The following PDK1 variants were observed in gnomAD, a reference collection of about 807,000 sequenced individuals.
PDK1 encodes the protein pyruvate dehydrogenase kinase 1, also known as [Pyruvate dehydrogenase (acetyl-transferring)] kinase isozyme 1, mitochondrial.
Under a neutral mutation model 54.2 loss-of-function variants are expected in PDK1, and 39 were observed. The observed-to-expected ratio is 0.72, with a 90% CI of 0.56 to 0.94. The LOEUF is 0.94. Ranked by LOEUF, PDK1 falls within the 40% of genes least tolerant of loss-of-function variation. The pLI is 0.00. For synonymous variants in PDK1, 221 were observed against 207.1 expected (o/e 1.07, Z -0.58); for missense variants, 552 against 566.0 (o/e 0.98, Z 0.25).
At chr2:172,674,582 A>G in the PDK1 span, 1 of 152,264 alleles carries the variant, frequency 6.6e-6, no homozygotes, top group East Asian at 1.9e-4. Context: ...CCTCCTCAGG[A>G]CGCTCCCCTC....
At chr2:172,583,513 C>T (rs758276875) in intron 8 of PDK1, among the ~76,000 whole-genome samples, 3 of 151,678 alleles carry the variant, frequency 2.0e-5, no homozygotes, top group Admixed American at 6.6e-5. Flanking sequence ...AGGCTGGTCT[C>T]GAACTGCTGA....
chr2:172,584,830 G>GTTTTT (rs1273636309), intron 8 of PDK1, among the ~76,000 whole-genome samples: 2 of 116,496 alleles, frequency 1.7e-5, no homozygotes, highest in African/African-American at 3.2e-5. Context: ...TAATTTTAAA[G>GTTTTT]TTTTTTTTTT....
chr2:172,567,021 C>G, intron 6 of PDK1, 88 bp downstream of exon 6: 2 of 875,764 alleles, frequency 2.3e-6, no homozygotes, highest in Non-Finnish European at 3.6e-6. Context: ...TGGAAGATGA[C>G]TTTTTATCAA....
intron 6 of PDK1, 147 bp from the exon 7 acceptor site, chr2:172,568,594 A>G (rs1689087254): frequency 6.5e-6 from 4 of 619,866 alleles, no homozygotes; most frequent in Non-Finnish European, 1.2e-5. Context: ...AAACACTAAT[A>G]CATTGAAGAA....
the PDK1 span, among the ~76,000 whole-genome samples, chr2:172,620,565 C>T: frequency 2.0e-5 from 3 of 152,168 alleles, no homozygotes; most frequent in Admixed American, 6.5e-5. Flanking sequence ...GTCTCCCCCA[C>T]TCAAATCTCA....
At position 172,586,272 on chromosome 2, in the gene PDK1, C is replaced by A; in HGVS notation, c.946-6C>A. 6.3e-7 allele frequency: 1 copy of A among 1,581,908 alleles called. No homozygotes were observed. Among genetic ancestry groups the A allele is most frequent in the Non-Finnish European group, 8.7e-7 (1 of 1,151,518 alleles). ...GGCATAGAGCACGATCCTTTTCTTA[C>A]CTTAGATGAGTGACCGAGGAGGTGG... On this transcript the variant is annotated splice_region_variant and splice_polypyrimidine_tract_variant and intron_variant, in intron 8 of 10. Transcript: ENST00000282077.
the PDK1 span, chr2:172,677,215 C>T: frequency 6.6e-6 from 1 of 152,180 alleles, no homozygotes; most frequent in Non-Finnish European, 1.5e-5. Context: ...CTATACATTG[C>T]TTTTGTTGCA....
At position 172,601,040 on chromosome 2, in the gene PDK1, T is replaced by C. The variant is rs1691098759; in HGVS notation, c.*5071T>C. The C allele has an allele frequency of 1.3e-5, 2 of 152,176 alleles. No homozygotes were observed. Among genetic ancestry groups the C allele is most frequent in the African/African-American group, 4.8e-5 (2 of 41,442 alleles). The allele number at this position is 152,176 out of a possible 1,614,324, so 9.4% of individuals were successfully genotyped here. ...AAAAGAGCTATATTTGAGCTGCTGT[T>C]TGTTAAAAGAAAAGTTTTCTGCCGG... On this transcript the variant is annotated 3_prime_UTR_variant, in exon 11 of 11. Coordinates refer to ENST00000282077, the MANE Select transcript of PDK1 (RefSeq NM_002610.5).
At chr2:172,685,736 G>C in the PDK1 span, among the ~76,000 whole-genome samples, 33 of 152,260 alleles carry the variant, frequency 2.2e-4, no homozygotes, top group African/African-American at 7.7e-4. Context: ...TGATAAATCA[G>C]CACTTTGGGG....
intron 2 of PDK1, 78 bp from the exon 3 acceptor site, chr2:172,562,142 A>C (rs1431336884): frequency 2.6e-6 from 2 of 771,762 alleles, no homozygotes; most frequent in Non-Finnish European, 4.4e-6. Context: ...TGCTAAAAAT[A>C]GCTTTTGAGC....
At chr2:172,614,411 G>A in the PDK1 span, among the ~76,000 whole-genome samples, 1 of 152,200 alleles carries the variant, frequency 6.6e-6, no homozygotes, top group Non-Finnish European at 1.5e-5. Context: ...TCTGAGGTCC[G>A]TAAAAGCCCT....
At chr2:172,704,128 T>G in the PDK1 span, among the ~76,000 whole-genome samples, 1 of 152,146 alleles carries the variant, frequency 6.6e-6, no homozygotes, top group Non-Finnish European at 1.5e-5. Context: ...TACTGTAAAA[T>G]AGGGTTTAAG....
At chr2:172,676,842 T>C in the PDK1 span, among the ~76,000 whole-genome samples, 11 of 152,210 alleles carry the variant, frequency 7.2e-5, no homozygotes, top group African/African-American at 2.4e-4. Context: ...ATTGAATCCA[T>C]GTGGCAAACT....
intron 9 of PDK1, among the ~76,000 whole-genome samples, chr2:172,587,482 T>C (rs919321376): frequency 5.3e-5 from 8 of 152,032 alleles, no homozygotes; most frequent in African/African-American, 1.9e-4. Flanking sequence ...TTTGTTCTTC[T>C]GGGTGGGTTC....
chr2:172,661,107 C>T, the PDK1 span, among the ~76,000 whole-genome samples: 3 of 152,098 alleles, frequency 2.0e-5, no homozygotes, highest in Non-Finnish European at 4.4e-5. Context: ...GACATTTCAT[C>T]AGGAATGTTC....
At chr2:172,664,037 C>T in the PDK1 span, among the ~76,000 whole-genome samples, 102 of 148,760 alleles carry the variant, frequency 6.9e-4, no homozygotes, top group African/African-American at 2.2e-3. Flanking sequence ...CCTTGCCAGG[C>T]GCGGTGGCTC....
the PDK1 span, among the ~76,000 whole-genome samples, chr2:172,712,827 C>T: frequency 6.6e-6 from 1 of 152,192 alleles, no homozygotes; most frequent in Admixed American, 6.5e-5. Flanking sequence ...CTTTCAGTCC[C>T]AGCATTCAGC....
the PDK1 span, among the ~76,000 whole-genome samples, chr2:172,642,401 G>A: frequency 1.3e-5 from 2 of 152,156 alleles, no homozygotes; most frequent in Admixed American, 1.3e-4. Context: ...TGTGAGTATG[G>A]TGTAGGAGTG....
chr2:172,566,276 C>T (rs930908003), intron 5 of PDK1, among the ~76,000 whole-genome samples: 1 of 152,100 alleles, frequency 6.6e-6, no homozygotes, highest in Non-Finnish European at 1.5e-5. Context: ...TTCCCTGGGC[C>T]AGGCACAGTG....
Sources: allele counts gnomAD v4.1 joint callset (sites outside exome capture counted in the v4.1 genomes callset), GRCh38; gene constraint gnomAD v4.1.1; transcripts MANE v1.5; gene names NCBI Gene and HGNC (gene_info 2026-07-23, HGNC 2026-07-21).